Variants in UBE2E2 observed in about 807,000 individuals in gnomAD.
The protein encoded by UBE2E2 is ubiquitin-conjugating enzyme E2 E2.
UBE2E2 carries 6 observed loss-of-function variants against 24.7 expected under a neutral mutation model. The observed-to-expected ratio is 0.24, with a 90% confidence interval of 0.13 to 0.48. The LOEUF (loss-of-function observed/expected upper bound fraction) is 0.48. Among genes scored for constraint, UBE2E2 ranks in the 20% least tolerant of loss-of-function variants. The probability of loss-of-function intolerance (pLI) is 0.99; values close to 1 mark genes in which losing one functional copy is unlikely to be tolerated. For synonymous variants in UBE2E2, 104 were observed against 83.6 expected (o/e 1.24, Z -1.33); for missense variants, 169 against 245.0 (o/e 0.69, Z 2.07).
At chr3:23,452,315 C>G (rs1264616482) in intron 3 of UBE2E2, among the ~76,000 whole-genome samples, 1 of 152,094 alleles carries the variant, frequency 6.6e-6, no homozygotes, top group African/African-American at 2.4e-5. Context: ...AAATGTGAAT[C>G]ATAAACAGGT....
At chr3:23,386,336 G>T (rs1696803637) in intron 3 of UBE2E2, among the ~76,000 whole-genome samples, 1 of 152,130 alleles carries the variant, frequency 6.6e-6, no homozygotes, top group Non-Finnish European at 1.5e-5. Context: ...GCTGCCTCAA[G>T]CTTCTTTTCT....
intron 3 of UBE2E2, among the ~76,000 whole-genome samples, chr3:23,242,292 A>T (rs1697279922): frequency 6.6e-6 from 1 of 151,906 alleles, no homozygotes; most frequent in Admixed American, 6.6e-5. Flanking sequence ...ATACAAATAA[A>T]GGTCTGCTGT....
At chr3:23,274,015 A>G (rs1252603483) in intron 3 of UBE2E2, 1 of 152,236 alleles carries the variant, frequency 6.6e-6, no homozygotes, top group African/African-American at 2.4e-5. Flanking sequence ...CTTTGATACA[A>G]TGGGAAAAAA....
intron 3 of UBE2E2, among the ~76,000 whole-genome samples, chr3:23,467,699 G>A (rs1698951680): frequency 6.6e-6 from 1 of 152,110 alleles, no homozygotes; most frequent in South Asian, 2.1e-4. Flanking sequence ...ATACTTCTAA[G>A]TAGCTATATT....
chr3:23,310,079 C>G (rs906871625), intron 3 of UBE2E2, among the ~76,000 whole-genome samples: 5 of 152,172 alleles, frequency 3.3e-5, no homozygotes, highest in African/African-American at 1.2e-4. Context: ...CGAGATTAGA[C>G]TCTGCTTTTT....
chr3:23,289,286 A>T (rs1450058272), intron 3 of UBE2E2, among the ~76,000 whole-genome samples: 1 of 152,196 alleles, frequency 6.6e-6, no homozygotes, highest in Non-Finnish European at 1.5e-5. Flanking sequence ...TGAATGAGGG[A>T]TTTATAAAGG....
intron 4 of UBE2E2, among the ~76,000 whole-genome samples, chr3:23,529,588 C>G (rs936212668): frequency 3.9e-4 from 60 of 152,166 alleles, no homozygotes; most frequent in African/African-American, 1.4e-3. Flanking sequence ...TTTAACCTCC[C>G]TTTGCCTTAG....
intron 3 of UBE2E2, among the ~76,000 whole-genome samples, chr3:23,468,187 C>T (rs1698962683): frequency 6.6e-6 from 1 of 152,146 alleles, no homozygotes. Context: ...TTTCTCCTGC[C>T]CACCTCCTTT....
At chr3:23,433,931 T>C (rs975032497) in intron 3 of UBE2E2, among the ~76,000 whole-genome samples, 4 of 152,084 alleles carry the variant, frequency 2.6e-5, no homozygotes, top group Admixed American at 6.5e-5. Context: ...ATTCCCCTTT[T>C]TTCTCATTTA....
At chr3:23,276,536 T>G (rs1475818190) in intron 3 of UBE2E2, among the ~76,000 whole-genome samples, 1 of 152,166 alleles carries the variant, frequency 6.6e-6, no homozygotes, top group African/African-American at 2.4e-5. Context: ...TTTATAATGC[T>G]TTCTACCTGC....
chr3:23,411,262 G>T (rs1275693522), intron 3 of UBE2E2, among the ~76,000 whole-genome samples: 1 of 152,132 alleles, frequency 6.6e-6, no homozygotes, highest in Admixed American at 6.6e-5. Context: ...AAGCAGTTTG[G>T]CTGATGATTG....
chr3:23,500,281 A>G (rs1399202035), intron 4 of UBE2E2, among the ~76,000 whole-genome samples: 1 of 152,216 alleles, frequency 6.6e-6, no homozygotes, highest in Non-Finnish European at 1.5e-5. Context: ...TGTGTTAAAA[A>G]ATTTCGTAAA....
At chr3:23,337,814 T>G (rs1695253055) in intron 3 of UBE2E2, among the ~76,000 whole-genome samples, 1 of 152,184 alleles carries the variant, frequency 6.6e-6, no homozygotes, top group Non-Finnish European at 1.5e-5. Flanking sequence ...TATTTTAGGC[T>G]ACGCTGAGGA....
intron 3 of UBE2E2, among the ~76,000 whole-genome samples, chr3:23,372,981 A>G (rs1168070732): frequency 6.6e-6 from 1 of 152,122 alleles, no homozygotes; most frequent in African/African-American, 2.4e-5. Flanking sequence ...GCCCCCTCTC[A>G]TTGATCCCTC....
At chr3:23,257,930 G>A (rs750927817) in intron 3 of UBE2E2, among the ~76,000 whole-genome samples, 17 of 151,442 alleles carry the variant, frequency 1.1e-4, no homozygotes, top group Admixed American at 3.9e-4. Flanking sequence ...GATCTCTTTC[G>A]TCTATTCCTC....
intron 3 of UBE2E2, among the ~76,000 whole-genome samples, chr3:23,230,777 AC>A (rs557481716): frequency 1.7e-3 from 254 of 151,140 alleles, no homozygotes; most frequent in African/African-American, 5.9e-3. Context: ...CAAGAGCGAA[AC>A]TCCTTCTCAA....
chr3:23,376,212 CTT>C (rs923225039), intron 3 of UBE2E2, among the ~76,000 whole-genome samples: 4 of 152,164 alleles, frequency 2.6e-5, no homozygotes, highest in Non-Finnish European at 5.9e-5. Context: ...TATTGGGATA[CTT>C]ACCTGTTAAA....
intron 3 of UBE2E2, among the ~76,000 whole-genome samples, chr3:23,295,533 GA>G (rs533530714): frequency 6.6e-6 from 1 of 152,028 alleles, no homozygotes; most frequent in South Asian, 2.1e-4. Context: ...ATCATGTGGG[GA>G]AAAAAATGTT....
In UBE2E2 at chr3:23,589,818, G is replaced by A. The variant is rs1696720100; in HGVS notation, c.593G>A (p.Arg198Gln). 4 of 1,614,138 alleles carry A rather than the reference G, an allele frequency of 2.5e-6. No individual in the cohort carries two copies. The highest frequency in any genetic ancestry group is 1.1e-5 in the South Asian group (1 of 91,068). ...CGGATGGCCAGACAGTGGACCAAGC[G>A]GTACGCCACATAGGGGCCTGCTGCC... ...HDRMARQWTK[R>Q]YAT Residue 198 changes from arginine to glutamine, a missense_variant, in exon 6 of 6, where the codon CGG becomes CAG. Arg to Gln is a conservative substitution (Grantham distance 43). Around this residue, in one of 2 missense-constraint regions of UBE2E2, gnomAD observed 105 missense variants for 180.7 expected, o/e 0.58. Coordinates refer to ENST00000396703, the MANE Select transcript of UBE2E2 (RefSeq NM_152653.4). The surrounding 1 kb of genome is among the most constrained non-coding windows in gnomAD (Gnocchi z 4.1).
Sources: allele counts gnomAD v4.1 joint callset (sites outside exome capture counted in the v4.1 genomes callset), GRCh38; gene constraint gnomAD v4.1.1; regional missense constraint gnomAD v4.1.1; non-coding constraint Gnocchi (gnomAD v3.1); transcripts MANE v1.5; gene names NCBI Gene and HGNC (gene_info 2026-07-23, HGNC 2026-07-21).